NAA35: variants seen among roughly 807,000 people sequenced by gnomAD.
NAA35 encodes the protein N-alpha-acetyltransferase 35, NatC auxiliary subunit.
Under a neutral mutation model 101.7 loss-of-function variants are expected in NAA35, and 18 were observed. The ratio of observed to expected loss-of-function variants is 0.18; its 90% CI spans 0.12 to 0.26. The LOEUF (loss-of-function observed/expected upper bound fraction) is 0.26, where lower values mean the gene tolerates loss of function less well. Among genes scored for constraint, NAA35 ranks in the 10% least tolerant of loss-of-function variants. The pLI, the probability that NAA35 is intolerant of heterozygous loss-of-function variation, is 1.00. For missense variants in NAA35, 601 were observed against 886.8 expected (o/e 0.68, Z 4.09); for synonymous variants, 267 against 273.1 (o/e 0.98, Z 0.22).
At chr9:86,001,391 T>C (rs1169171159) in intron 12 of NAA35, among the ~76,000 whole-genome samples, 1 of 152,176 alleles carries the variant, frequency 6.6e-6, no homozygotes, top group East Asian at 1.9e-4. Context: ...TGTAAAGGTC[T>C]ATCAAATCCA....
intron 2 of NAA35, among the ~76,000 whole-genome samples, chr9:85,949,746 T>C (rs1261992470): frequency 1.3e-5 from 2 of 152,092 alleles, no homozygotes; most frequent in Admixed American, 6.6e-5. Flanking sequence ...CCCTTTGCTC[T>C]GAATGGTGTA....
At chr9:85,942,750 G>T (rs893663301) in intron 2 of NAA35, among the ~76,000 whole-genome samples, 2 of 152,116 alleles carry the variant, frequency 1.3e-5, no homozygotes, top group Non-Finnish European at 1.5e-5. Flanking sequence ...CACTGTCCCC[G>T]CCAGGCTTAT....
At position 86,018,354 on chromosome 9, in the gene NAA35, A is replaced by G; in HGVS notation, c.1873A>G (p.Ser625Gly). 1.9e-6 allele frequency: 3 copies of G among 1,613,952 alleles called. No homozygotes were observed. The highest frequency in any genetic ancestry group is 2.5e-6 in the Non-Finnish European group (3 of 1,179,856). Residue 625 changes from serine to glycine, a missense_variant, in exon 20 of 23, where the codon AGT becomes GGT. Transcript: ENST00000361671. The stretch of plus-strand genomic sequence containing the variant: ...TGAACACAGGTTTGCTCCATTCAAC[A>G]GTGTGATGACCCCGCCGCCAGTGCA... ...RYEHRFAPFN[S>G]VMTPPPVHYL...
In NAA35 at chr9:86,022,403, A is replaced by T. The variant is rs1423304669; in HGVS notation, c.*443A>T. 1 of 152,900 alleles carries T rather than the reference A, an allele frequency of 6.5e-6. No homozygotes were observed. Among genetic ancestry groups the T allele is most frequent in the Non-Finnish European group, 1.5e-5 (1 of 68,262 alleles). 9.5% of individuals were successfully genotyped at this position (152,900 alleles called of 1,614,324 possible). On this transcript the variant is annotated 3_prime_UTR_variant, in exon 23 of 23. Transcript: ENST00000361671. ...TAGTTCCAAAAACGTTATCCAAAAG[A>T]AGTTTCAAATCAAGGGATTAATTAA... is the stretch of plus-strand genomic sequence containing the variant.
At position 85,954,745 on chromosome 9, in the gene NAA35, C is replaced by T. The variant is rs185184237; in HGVS notation, c.125-1615C>T. On this transcript the variant is annotated intron_variant, in intron 2 of 22. Coordinates refer to ENST00000361671, the MANE Select transcript of NAA35 (RefSeq NM_024635.4). ...TTGCCCTCCATTGCCTTTTTACCTT[C>T]CTATCATTGCTTTTGCATCATTAGT... Among the ~76,000 whole-genome samples, 14 of 152,206 alleles carry T rather than the reference C, an allele frequency of 9.2e-5. No homozygotes were observed. In the East Asian group the frequency reaches 2.7e-3, roughly 29 times the overall value.
chr9:85,944,994 A>G (rs1220402072), intron 2 of NAA35, among the ~76,000 whole-genome samples: 1 of 152,218 alleles, frequency 6.6e-6, no homozygotes, highest in Non-Finnish European at 1.5e-5. Context: ...TCATATATAC[A>G]TTCTCTACTT....
At chr9:85,995,712 C>T (rs914607851) in intron 11 of NAA35, among the ~76,000 whole-genome samples, 6 of 152,088 alleles carry the variant, frequency 3.9e-5, no homozygotes, top group African/African-American at 1.4e-4. Context: ...ATTCATGTAT[C>T]ATTTTAGCGA....
intron 14 of NAA35, among the ~76,000 whole-genome samples, chr9:86,007,975 T>C (rs1483372472): frequency 6.6e-6 from 1 of 152,236 alleles, no homozygotes; most frequent in Non-Finnish European, 1.5e-5. Context: ...TAATTAATTA[T>C]ATGTAATGGC....
intron 11 of NAA35, among the ~76,000 whole-genome samples, chr9:85,994,245 A>C (rs538235033): frequency 4.6e-5 from 7 of 152,170 alleles, no homozygotes; most frequent in African/African-American, 1.7e-4. Context: ...TTGCTGTGCA[A>C]CTATCACCAC....
chr9:85,941,847 C>T (rs1828532997), intron 1 of NAA35: 4 of 1,070,092 alleles, frequency 3.7e-6, no homozygotes, highest in South Asian at 7.5e-5. Context: ...AAGTTGGAAG[C>T]TCTGGAGTTG....
chr9:85,953,243 G>A (rs925322619), intron 2 of NAA35, among the ~76,000 whole-genome samples: 8 of 145,368 alleles, frequency 5.5e-5, no homozygotes, highest in Non-Finnish European at 1.0e-4. Context: ...TTTTTTTACC[G>A]GCTTAACCAT....
intron 3 of NAA35, among the ~76,000 whole-genome samples, chr9:85,956,739 A>G (rs536101078): frequency 1.3e-5 from 2 of 152,348 alleles, no homozygotes; most frequent in African/African-American, 4.8e-5. Flanking sequence ...AGATAAAAGT[A>G]AATGAGAATC....
At chr9:85,991,855 C>G (rs944759047) in intron 11 of NAA35, among the ~76,000 whole-genome samples, 20 of 152,006 alleles carry the variant, frequency 1.3e-4, no homozygotes, top group African/African-American at 4.1e-4. Flanking sequence ...TCTGGCTGTA[C>G]CCAAATATCA....
intron 1 of NAA35, 196 bp from the exon 2 acceptor site, chr9:85,941,956 AAGC>A: frequency 8.1e-7 from 1 of 1,234,382 alleles, no homozygotes; most frequent in Non-Finnish European, 1.0e-6. Context: ...GGCTAATAGT[AAGC>A]AGCAGGAGTG....
chr9:85,958,427 T>C, intron 3 of NAA35, 45 bp from the exon 4 acceptor site: 3 of 1,206,732 alleles, frequency 2.5e-6, no homozygotes, highest in South Asian at 2.6e-5. Context: ...TGAATAAGCT[T>C]ACTGGCTCAA....
chr9:86,017,388 A>T, intron 18 of NAA35, 110 bp from the exon 19 acceptor site: 2 of 872,344 alleles, frequency 2.3e-6, no homozygotes, highest in Non-Finnish European at 3.5e-6. Context: ...CTGAAGTTTT[A>T]ATTTAGTATA....
At chr9:86,010,065 A>G in intron 15 of NAA35, 134 bp downstream of exon 15, 1 of 667,184 alleles carries the variant, frequency 1.5e-6, no homozygotes, top group South Asian at 1.8e-5. Flanking sequence ...AGCCTGGCCA[A>G]CATAGTGAAA....
intron 6 of NAA35, among the ~76,000 whole-genome samples, chr9:85,968,854 G>A (rs1214643021): frequency 6.6e-6 from 1 of 152,066 alleles, no homozygotes; most frequent in Non-Finnish European, 1.5e-5. Flanking sequence ...TTAATGAGAG[G>A]TGAACCAAAG....
At chr9:86,014,120 A>C (rs1221129617) in intron 17 of NAA35, among the ~76,000 whole-genome samples, 1 of 152,260 alleles carries the variant, frequency 6.6e-6, no homozygotes, top group Non-Finnish European at 1.5e-5. Context: ...ATTAACAAAA[A>C]ATGACTCCAA....
Sources: allele counts gnomAD v4.1 joint callset (sites outside exome capture counted in the v4.1 genomes callset), GRCh38; gene constraint gnomAD v4.1.1; transcripts MANE v1.5; gene names NCBI Gene and HGNC (gene_info 2026-07-23, HGNC 2026-07-21).